OPCML: variants seen among roughly 807,000 people sequenced by gnomAD.
OPCML encodes opioid binding protein/cell adhesion molecule like.
A neutral mutation model predicts 37.8 loss-of-function variants in OPCML; 13 were observed. The ratio of observed to expected loss-of-function variants is 0.34; its 90% CI spans 0.22 to 0.55. The LOEUF (loss-of-function observed/expected upper bound fraction) is 0.55. OPCML is among the 20% of genes least tolerant of loss of function. OPCML has a pLI of 0.91. For synonymous variants in OPCML, 176 were observed against 168.8 expected (o/e 1.04, Z -0.33); for missense variants, 341 against 435.6 (o/e 0.78, Z 1.93).
At chr11:132,740,382 A>G (rs1177468466) in intron 2 of OPCML, among the ~76,000 whole-genome samples, 1 of 152,158 alleles carries the variant, frequency 6.6e-6, no homozygotes, top group Non-Finnish European at 1.5e-5. Flanking sequence ...TACACACTCC[A>G]TTAGTGTATG....
At chr11:133,332,133 A>G (rs1387203102) in intron 1 of OPCML, among the ~76,000 whole-genome samples, 1 of 152,168 alleles carries the variant, frequency 6.6e-6, no homozygotes, top group Non-Finnish European at 1.5e-5. Context: ...CTCATTGTAG[A>G]GACCTATCAT....
At position 132,631,490 on chromosome 11, in the gene OPCML, G is replaced by C. The variant is rs1591647013; in HGVS notation, c.379+25597C>G. Among the ~76,000 whole-genome samples, 6 of 150,428 alleles carry C rather than the reference G, an allele frequency of 4.0e-5. No individual in the cohort carries two copies. In the South Asian group the frequency reaches 1.0e-3, roughly 26 times the overall value. On this transcript the variant is annotated intron_variant, in intron 3 of 7. Coordinates refer to ENST00000524381, the MANE Select transcript of OPCML (RefSeq NM_001012393.5). Reference sequence around the variant, plus strand: ...TCTTTATTTTTTTGAGACGGAGTCTGGCTCTGTCCCCCAGGCTGGAGTGCA... The same window carrying C: ...TCTTTATTTTTTTGAGACGGAGTCTCGCTCTGTCCCCCAGGCTGGAGTGCA...
intron 3 of OPCML, among the ~76,000 whole-genome samples, chr11:132,530,800 C>T (rs550299980): frequency 6.6e-6 from 1 of 152,300 alleles, no homozygotes; most frequent in South Asian, 2.1e-4. Context: ...ACATGGCACA[C>T]ACTGGCCCCT....
chr11:133,030,733 C>T (rs1486729908), intron 1 of OPCML, among the ~76,000 whole-genome samples: 5 of 152,052 alleles, frequency 3.3e-5, no homozygotes, highest in African/African-American at 1.2e-4. Flanking sequence ...TTTTAAAAGG[C>T]TATTTGGAGA....
intron 1 of OPCML, among the ~76,000 whole-genome samples, chr11:133,489,961 T>C (rs1947620039): frequency 6.6e-6 from 1 of 151,944 alleles, no homozygotes; most frequent in African/African-American, 2.4e-5. Context: ...TACTCAGTCA[T>C]AAAAAAATGA....
chr11:132,983,705 A>G (rs2136797250), intron 1 of OPCML, among the ~76,000 whole-genome samples: 1 of 152,350 alleles, frequency 6.6e-6, no homozygotes, highest in South Asian at 2.1e-4. Flanking sequence ...CATCCAGGAA[A>G]GTTATTTATT....
At chr11:133,268,809 T>C (rs1941734389) in intron 1 of OPCML, among the ~76,000 whole-genome samples, 1 of 152,118 alleles carries the variant, frequency 6.6e-6, no homozygotes, top group South Asian at 2.1e-4. Context: ...ACGATATGAG[T>C]AGATAATTTT....
chr11:133,341,197 A>C (rs747445043), intron 1 of OPCML, among the ~76,000 whole-genome samples: 1 of 152,200 alleles, frequency 6.6e-6, no homozygotes, highest in Non-Finnish European at 1.5e-5. Flanking sequence ...TAAATAGTCA[A>C]CCAAAAAATG....
intron 2 of OPCML, among the ~76,000 whole-genome samples, chr11:132,682,646 C>T (rs1378811314): frequency 6.6e-6 from 1 of 152,216 alleles, no homozygotes; most frequent in Non-Finnish European, 1.5e-5. Context: ...GGCAATTAAC[C>T]TCTCCTCTAG....
At chr11:132,925,986 C>T (rs1272111815) in intron 2 of OPCML, among the ~76,000 whole-genome samples, 1 of 152,154 alleles carries the variant, frequency 6.6e-6, no homozygotes, top group Non-Finnish European at 1.5e-5. Flanking sequence ...GAACCCTATT[C>T]CCTTGCCATC....
chr11:133,373,317 C>T (rs1944717133), intron 1 of OPCML, among the ~76,000 whole-genome samples: 2 of 151,478 alleles, frequency 1.3e-5, no homozygotes, highest in South Asian at 4.2e-4. Context: ...AATAGCAACA[C>T]TTTGGGAGGC....
At chr11:133,161,132 A>G (rs1302214113) in intron 1 of OPCML, among the ~76,000 whole-genome samples, 1 of 152,230 alleles carries the variant, frequency 6.6e-6, no homozygotes, top group Non-Finnish European at 1.5e-5. Context: ...AAGCCAGGGC[A>G]CACCTTTGAC....
chr11:133,285,888 T>C (rs1942282083), intron 1 of OPCML, among the ~76,000 whole-genome samples: 1 of 152,206 alleles, frequency 6.6e-6, no homozygotes, highest in South Asian at 2.1e-4. Context: ...AAACGTATGG[T>C]CCTGCCTGGT....
intron 1 of OPCML, chr11:133,299,021 G>A (rs1942710468): frequency 6.6e-6 from 1 of 152,060 alleles, no homozygotes; most frequent in Admixed American, 6.6e-5. Context: ...ACTTGGTGTA[G>A]TATCATAGGG....
chr11:133,242,507 T>C lies in OPCML; in HGVS notation c.61+289757A>G, dbSNP rs56900985. 5.9e-3 allele frequency among the ~76,000 whole-genome samples: 898 copies of C among 152,314 alleles called. 11 individuals carry two copies. Among genetic ancestry groups the C allele is most frequent in the African/African-American group, 0.02 (850 of 41,562 alleles). ...TTCTCCTGAGGCTGCTCTCCTTGGC[T>C]TGCACATGGAGAATGCTATGTCCTC... On this transcript the variant is annotated intron_variant, in intron 1 of 7. Transcript: ENST00000524381.
chr11:133,330,219 C>A (rs1272271738), intron 1 of OPCML, among the ~76,000 whole-genome samples: 1 of 152,158 alleles, frequency 6.6e-6, no homozygotes, highest in Non-Finnish European at 1.5e-5. Flanking sequence ...GAAATAGGAA[C>A]ACTTTTACAC....
At chr11:133,339,542 T>C (rs1943816966) in intron 1 of OPCML, among the ~76,000 whole-genome samples, 1 of 152,170 alleles carries the variant, frequency 6.6e-6, no homozygotes, top group African/African-American at 2.4e-5. Context: ...CATCATGGTC[T>C]AGTAAAACAA....
At chr11:132,427,352 A>G (rs1392373740) in intron 7 of OPCML, among the ~76,000 whole-genome samples, 1 of 152,246 alleles carries the variant, frequency 6.6e-6, no homozygotes, top group Non-Finnish European at 1.5e-5. Flanking sequence ...GAGCAAAGAA[A>G]TCTAATTAGA....
intron 1 of OPCML, among the ~76,000 whole-genome samples, chr11:133,028,221 T>A (rs570159064): frequency 6.6e-6 from 1 of 152,144 alleles, no homozygotes; most frequent in South Asian, 2.1e-4. Context: ...CTCAGAATTG[T>A]TTAAAAGGCA....
Sources: allele counts gnomAD v4.1 joint callset (sites outside exome capture counted in the v4.1 genomes callset), GRCh38; gene constraint gnomAD v4.1.1; transcripts MANE v1.5; gene names NCBI Gene and HGNC (gene_info 2026-07-23, HGNC 2026-07-21).